The following CORO1B variants were observed in gnomAD, a reference collection of about 807,000 sequenced individuals.
The protein encoded by CORO1B is coronin 1B.
In CORO1B, 30 loss-of-function variants were observed where a neutral mutation model predicts 51.1. The ratio of observed to expected loss-of-function variants is 0.59; its 90% CI spans 0.44 to 0.80. The LOEUF is 0.80. CORO1B is among the 30% of genes least tolerant of loss of function. The pLI is 0.00. For synonymous variants in CORO1B, 310 were observed against 289.7 expected (o/e 1.07, Z -0.71); for missense variants, 648 against 700.4 (o/e 0.93, Z 0.84).
chr11:67,439,020 C>T (rs1371668292), intron 9 of CORO1B, 71 bp from the exon 10 acceptor site: 3 of 1,484,310 alleles, frequency 2.0e-6, no homozygotes, highest in Non-Finnish European at 9.0e-7. Flanking sequence ...CCTCCCCTGG[C>T]CTCCAGGCTT....
chr11:67,436,662 G>A lies in CORO1B; in HGVS notation c.*1714C>T, dbSNP rs1864289576. 3.2e-6 allele frequency: 1 copy of A among 315,688 alleles called. No individual in the cohort carries two copies. The highest frequency in any genetic ancestry group is 4.6e-5 in the Admixed American group (1 of 21,872). 19.6% of individuals were successfully genotyped at this position (315,688 alleles called of 1,614,324 possible). A position where few individuals can be genotyped will look rare whatever the true frequency, so the allele number is the denominator to read the frequency against. ...CTCCTCCCATCCTCCCCTCCCCCGG[G>A]CTGCATGGCCTGCTCACCGTGCTCA... On this transcript the variant is annotated 3_prime_UTR_variant, in exon 11 of 11. Transcript: ENST00000341356.
chr11:67,438,204 G>T lies in CORO1B; in HGVS notation c.*172C>A. ...CGTAGACATCCTCCACAGGAACAGT[G>T]AGGAAAGCTGGGCGCTGGCTTCGGC... On this transcript the variant is annotated 3_prime_UTR_variant, in exon 11 of 11. Coordinates refer to ENST00000341356, the MANE Select transcript of CORO1B (RefSeq NM_020441.3). 1.3e-6 allele frequency: 1 copy of T among 774,360 alleles called. No homozygotes were observed. Among genetic ancestry groups the T allele is most frequent in the Non-Finnish European group, 2.0e-6 (1 of 503,104 alleles). The allele number at this position is 774,360 out of a possible 1,614,324, so 48.0% of individuals were successfully genotyped here.
At position 67,436,118 on chromosome 11, in the gene CORO1B, C is replaced by A; in HGVS notation, c.*2258G>T. 1 of 1,597,282 alleles carries A rather than the reference C, an allele frequency of 6.3e-7. No individual in the cohort carries two copies. Among genetic ancestry groups the A allele is most frequent in the Non-Finnish European group, 8.5e-7 (1 of 1,171,914 alleles). ...TGGGGGGCTGGCCCAGAGCAGGCGCCGCGTGCGGCCCCACAGCGCGGCACC... is the reference window on the plus strand; with the variant it reads ...TGGGGGGCTGGCCCAGAGCAGGCGCAGCGTGCGGCCCCACAGCGCGGCACC... On this transcript the variant is annotated 3_prime_UTR_variant, in exon 11 of 11. Transcript: ENST00000341356.
Position 67,441,772 on chromosome 11 carries a change from CGAT to C in CORO1B, c.412_414del (p.Ile138del). 2.5e-6 allele frequency: 4 copies of C among 1,612,722 alleles called. No individual in the cohort carries two copies. Among genetic ancestry groups the C allele is most frequent in the Non-Finnish European group, 3.4e-6 (4 of 1,179,858 alleles). On this transcript the variant is annotated inframe_deletion, in exon 4 of 11. Coordinates refer to ENST00000341356, the MANE Select transcript of CORO1B (RefSeq NM_020441.3). ...ACGTTTCGGGCCGTGGGGTGCCAGG[CGAT>C]GATGCCCACTCGCTTGGTGTGCCCC...
chr11:67,441,444 G>A lies in CORO1B; in HGVS notation c.525C>T (p.His175=), dbSNP rs761088893. 1 of 1,613,930 alleles carries A rather than the reference G, an allele frequency of 6.2e-7. No individual in the cohort carries two copies. Among genetic ancestry groups the A allele is most frequent in the South Asian group, 1.1e-5 (1 of 91,086 alleles). The change falls in exon 5 of 11, where the codon CAC becomes CAT. Residue 175 remains histidine, a synonymous_variant. Transcript: ENST00000341356. ...AGCTGACATTGTAGATGAGGTCAGG[G>A]TGCAGGCTGTCCAGGCGGTACAGCT... is the stretch of plus-strand genomic sequence containing the variant. ...AEELYRLDSL[H]PDLIYNVSWN... is the part of the protein sequence containing the mutation.
chr11:67,442,656 G>A (rs1431998916), intron 1 of CORO1B, 26 bp from the exon 2 acceptor site: 3 of 1,603,570 alleles, frequency 1.9e-6, no homozygotes, highest in Non-Finnish European at 2.6e-6. Context: ...GCCTGGGTCA[G>A]TCCGGCCCAT....
At position 67,439,601 on chromosome 11, in the gene CORO1B, C is replaced by T. The variant is rs61035249; in HGVS notation, c.1065+185G>A. On this transcript the variant is annotated intron_variant, in intron 9 of 10. Transcript: ENST00000341356. ...CCCCTGCTCACCCTCTGTCTCATCC[C>T]CACTTGCCCCCTGACTGGCACAGCC... Among the ~76,000 whole-genome samples the T allele has an allele frequency of 0.022, 3,354 of 152,310 alleles. 59 individuals carry two copies. Among genetic ancestry groups the T allele is most frequent in the East Asian group, 0.054 (277 of 5,176 alleles).
At position 67,435,870 on chromosome 11, in the gene CORO1B, C is replaced by T. The variant is rs768527277; in HGVS notation, c.*2506G>A. The T allele has an allele frequency of 2.0e-5, 32 of 1,610,890 alleles. No homozygotes were observed. The highest frequency in any genetic ancestry group is 9.3e-5 in the African/African-American group (7 of 74,894). On this transcript the variant is annotated 3_prime_UTR_variant, in exon 11 of 11. Transcript: ENST00000341356. ...CCTGCGCTCGCTGGTCCTGGGGAGC[C>T]GAGGACCAGGTCGCCCTCCGTGTCA...
upstream of CORO1B, chr11:67,443,580 G>C: frequency 1.4e-6 from 1 of 708,342 alleles, no homozygotes; most frequent in Non-Finnish European, 1.7e-6. Context: ...GCGGGAGGCT[G>C]AGCGGCGCCG....
intron 6 of CORO1B, 105 bp from the exon 7 acceptor site, chr11:67,440,544 T>A: frequency 9.9e-7 from 1 of 1,009,360 alleles, no homozygotes; most frequent in Non-Finnish European, 1.5e-6. Flanking sequence ...GCACTGCCCC[T>A]AAATGCAGGT....
rs1236611869 is a variant in CORO1B, at chr11:67,443,357, GCCCAGCC to G, written c.-3+40_-3+46del. ...CCCTCAGCCCGGCCCCTGCAGCCCCGCCCAGCCCCCAGCCCGCGCCCCTAGCCCCGGC... is the reference window on the plus strand; with the variant it reads ...CCCTCAGCCCGGCCCCTGCAGCCCCGCCCAGCCCGCGCCCCTAGCCCCGGC... On this transcript the variant is annotated intron_variant, in intron 1 of 10. Coordinates refer to ENST00000341356, the MANE Select transcript of CORO1B (RefSeq NM_020441.3). 3 of 508,048 alleles carry G rather than the reference GCCCAGCC, an allele frequency of 5.9e-6. No homozygotes were observed. In the Admixed American group the frequency reaches 1.9e-4, roughly 32 times the overall value. 31.5% of individuals were successfully genotyped at this position (508,048 alleles called of 1,614,324 possible). A position where few individuals can be genotyped will look rare whatever the true frequency, so the allele number is the denominator to read the frequency against.
In CORO1B at chr11:67,436,264, G is replaced by C. The variant is rs553440811; in HGVS notation, c.*2112C>G. On this transcript the variant is annotated 3_prime_UTR_variant, in exon 11 of 11. Transcript: ENST00000341356. ...GCAGGACAACGGTGACAGAGCTGGAGCCCACGCTGTCCTCCGCGCTGCCAC... is the reference window on the plus strand; with the variant it reads ...GCAGGACAACGGTGACAGAGCTGGACCCCACGCTGTCCTCCGCGCTGCCAC... The C allele has an allele frequency of 1.9e-6, 3 of 1,544,448 alleles. No homozygotes were observed. Among genetic ancestry groups the C allele is most frequent in the East Asian group, 2.4e-5 (1 of 41,078 alleles).
chr11:67,440,498 A>G, intron 6 of CORO1B, 59 bp from the exon 7 acceptor site: 2 of 1,526,396 alleles, frequency 1.3e-6, no homozygotes, highest in Non-Finnish European at 1.8e-6. Context: ...ATCCCAAACC[A>G]GGACGGGCCT....
chr11:67,438,822 G>A lies in CORO1B; in HGVS notation c.1193C>T (p.Pro398Leu). ...GATCTTCAGGTCCCGCTGCTTGCTG[G>A]GCACGTAGGCCTCCCGCAGTGAGAT... ...ILISLREAYV[P>L]SKQRDLKISR... The change falls in exon 10 of 11, where the codon CCC (proline) becomes CTC (leucine). Residue 398 changes from proline to leucine, a missense_variant. By Grantham distance (98) the Pro-to-Leu change is moderately conservative (BLOSUM62 -3). Transcript: ENST00000341356. 6.2e-7 allele frequency: 1 copy of A among 1,608,580 alleles called. No homozygotes were observed. Among genetic ancestry groups the A allele is most frequent in the Non-Finnish European group, 8.5e-7 (1 of 1,178,784 alleles).
Position 67,435,745 on chromosome 11 carries a change from G to A in CORO1B, c.*2631C>T. The A allele has an allele frequency of 1.9e-6, 3 of 1,541,034 alleles. No homozygotes were observed. Among genetic ancestry groups the A allele is most frequent in the Non-Finnish European group, 2.6e-6 (3 of 1,145,300 alleles). ...CCAAGACCGGCCTCTACAGTGCGGT[G>A]ACATGGAGGCCCTGGCCCCCAGCTG... On this transcript the variant is annotated 3_prime_UTR_variant, in exon 11 of 11. Coordinates refer to ENST00000341356, the MANE Select transcript of CORO1B (RefSeq NM_020441.3).
rs770190358 is a variant in CORO1B, at chr11:67,436,269, C to T, written c.*2107G>A. Reference sequence around the variant, plus strand: ...ACAACGGTGACAGAGCTGGAGCCCACGCTGTCCTCCGCGCTGCCACCCGAG... The same window carrying T: ...ACAACGGTGACAGAGCTGGAGCCCATGCTGTCCTCCGCGCTGCCACCCGAG... On this transcript the variant is annotated 3_prime_UTR_variant, in exon 11 of 11. Coordinates refer to ENST00000341356, the MANE Select transcript of CORO1B (RefSeq NM_020441.3). 16 of 1,540,678 alleles carry T rather than the reference C, an allele frequency of 1.0e-5. No individual in the cohort carries two copies. The highest frequency in any genetic ancestry group is 7.3e-5 in the East Asian group (3 of 41,040).
In CORO1B at chr11:67,436,367, G is replaced by C; in HGVS notation, c.*2009C>G. The C allele has an allele frequency of 2.1e-6, 3 of 1,439,236 alleles. No individual in the cohort carries two copies. The highest frequency in any genetic ancestry group is 2.7e-6 in the Non-Finnish European group (3 of 1,098,578). The allele number at this position is 1,439,236 out of a possible 1,614,324, so 89.2% of individuals were successfully genotyped here. On this transcript the variant is annotated 3_prime_UTR_variant, in exon 11 of 11. Coordinates refer to ENST00000341356, the MANE Select transcript of CORO1B (RefSeq NM_020441.3). ...GGGCAGAGCCTGTGGGAGACAGGCAGGGGCTCAGAGGGCTCAGCACCTGGG... is the reference window on the plus strand; with the variant it reads ...GGGCAGAGCCTGTGGGAGACAGGCACGGGCTCAGAGGGCTCAGCACCTGGG...
Position 67,435,994 on chromosome 11 carries a change from A to G in CORO1B, c.*2382T>C, listed in dbSNP as rs1379817381. 6.2e-7 allele frequency: 1 copy of G among 1,613,574 alleles called. No individual in the cohort carries two copies. Among genetic ancestry groups the G allele is most frequent in the Non-Finnish European group, 8.5e-7 (1 of 1,179,908 alleles). Reference sequence around the variant, plus strand: ...CCCCAGGGTCAGCCTGCAGGCCACCATCCGCGACGTGGTCATAGTCTGTGT... The same window carrying G: ...CCCCAGGGTCAGCCTGCAGGCCACCGTCCGCGACGTGGTCATAGTCTGTGT... On this transcript the variant is annotated 3_prime_UTR_variant, in exon 11 of 11. Transcript: ENST00000341356.
rs138577657 is a variant in CORO1B, at chr11:67,435,999, C to T, written c.*2377G>A. The T allele has an allele frequency of 2.0e-4, 327 of 1,613,756 alleles. 2 individuals are homozygous for T. The African/African-American group carries it at 2.8e-3, about 14-fold the overall frequency. On this transcript the variant is annotated 3_prime_UTR_variant, in exon 11 of 11. Coordinates refer to ENST00000341356, the MANE Select transcript of CORO1B (RefSeq NM_020441.3). ...GGGTCAGCCTGCAGGCCACCATCCG[C>T]GACGTGGTCATAGTCTGTGTCCTGC... is the stretch of plus-strand genomic sequence containing the variant.
Sources: allele counts gnomAD v4.1 joint callset (sites outside exome capture counted in the v4.1 genomes callset), GRCh38; gene constraint gnomAD v4.1.1; transcripts MANE v1.5; gene names NCBI Gene and HGNC (gene_info 2026-07-23, HGNC 2026-07-21).